ATP8A2: variants seen among roughly 807,000 people sequenced by gnomAD.
ATP8A2 encodes phospholipid-transporting ATPase IB.
Under a neutral mutation model 165.6 loss-of-function variants are expected in ATP8A2, and 100 were observed. The observed-to-expected ratio is 0.60, with a 90% confidence interval of 0.51 to 0.71. The LOEUF is 0.71. ATP8A2 is among the 30% of genes least tolerant of loss of function. The pLI, the probability that ATP8A2 is intolerant of heterozygous loss-of-function variation, is 0.00. For missense variants in ATP8A2, 1,227 were observed against 1,479.5 expected, an observed-to-expected ratio of 0.83 and a Z score of 2.80; for synonymous variants, 543 against 548.8, an observed-to-expected ratio of 0.99 and a Z score of 0.15.
At chr13:25,612,701 T>TC (rs756013128) in intron 24 of ATP8A2, among the ~76,000 whole-genome samples, 55 of 152,178 alleles carry the variant, frequency 3.6e-4, no homozygotes, top group Non-Finnish European at 7.2e-4. Flanking sequence ...TGAATTTCTG[T>TC]CTTGATGATC....
chr13:25,997,760 C>T (rs1429168888), intron 35 of ATP8A2, among the ~76,000 whole-genome samples: 1 of 152,130 alleles, frequency 6.6e-6, no homozygotes, highest in Admixed American at 6.5e-5. Context: ...TTTTTCCGTT[C>T]TGAAATTTCC....
chr13:25,859,653 C>G (rs1952286835), intron 30 of ATP8A2, among the ~76,000 whole-genome samples: 1 of 152,102 alleles, frequency 6.6e-6, no homozygotes, highest in Non-Finnish European at 1.5e-5. Flanking sequence ...CTTGCGTTCC[C>G]CCAGGTGATA....
intron 1 of ATP8A2, among the ~76,000 whole-genome samples, chr13:25,410,858 C>A (rs1186711169): frequency 6.6e-6 from 1 of 152,206 alleles, no homozygotes; most frequent in Non-Finnish European, 1.5e-5. Flanking sequence ...TGATTCTACT[C>A]CCTTCTAGGC....
intron 35 of ATP8A2, among the ~76,000 whole-genome samples, chr13:25,984,731 A>T (rs1337686772): frequency 6.6e-6 from 1 of 152,246 alleles, no homozygotes; most frequent in Non-Finnish European, 1.5e-5. Flanking sequence ...TCTGTAAGCC[A>T]CGAAGAGTCA....
At chr13:25,902,971 A>ACACACACACACACG (rs1286764397) in intron 33 of ATP8A2, among the ~76,000 whole-genome samples, 2 of 151,222 alleles carry the variant, frequency 1.3e-5, no homozygotes, top group African/African-American at 2.4e-5. Flanking sequence ...ACACACACAC[A>ACACACACACACACG]CGTAAATGCA....
At chr13:25,381,821 G>A (rs1593231212) in intron 1 of ATP8A2, among the ~76,000 whole-genome samples, 1 of 152,144 alleles carries the variant, frequency 6.6e-6, no homozygotes, top group African/African-American at 2.4e-5. Flanking sequence ...GAGACCACCC[G>A]CCAGGCTCTT....
At chr13:25,739,382 A>G (rs2043858015) in intron 25 of ATP8A2, among the ~76,000 whole-genome samples, 1 of 152,396 alleles carries the variant, frequency 6.6e-6, no homozygotes, top group South Asian at 2.1e-4. Flanking sequence ...TGCAGAATAG[A>G]AACAGTGTGG....
At chr13:25,849,782 G>A (rs1188159621) in intron 30 of ATP8A2, among the ~76,000 whole-genome samples, 1 of 152,190 alleles carries the variant, frequency 6.6e-6, no homozygotes, top group Admixed American at 6.5e-5. Flanking sequence ...AGACTCACCT[G>A]CTGCCTTGGG....
intron 25 of ATP8A2, among the ~76,000 whole-genome samples, chr13:25,761,456 C>T (rs2044376852): frequency 6.6e-6 from 1 of 152,012 alleles, no homozygotes; most frequent in African/African-American, 2.4e-5. Flanking sequence ...TGATTCTAGG[C>T]TTAAATCATT....
At chr13:25,776,655 T>TGGTAGGA (rs906878859) in intron 27 of ATP8A2, among the ~76,000 whole-genome samples, 1 of 152,132 alleles carries the variant, frequency 6.6e-6, no homozygotes, top group African/African-American at 2.4e-5. Context: ...TCTGTGTCTG[T>TGGTAGGA]GGTAGGAGTC....
intron 24 of ATP8A2, among the ~76,000 whole-genome samples, chr13:25,686,729 T>G (rs1298046429): frequency 6.6e-6 from 1 of 152,202 alleles, no homozygotes; most frequent in Non-Finnish European, 1.5e-5. Context: ...CAGGACCTTT[T>G]GTGCACTGAA....
At chr13:25,645,383 T>C (rs1436906924) in intron 24 of ATP8A2, among the ~76,000 whole-genome samples, 1 of 152,158 alleles carries the variant, frequency 6.6e-6, no homozygotes, top group Non-Finnish European at 1.5e-5. Flanking sequence ...CAATTCAAGA[T>C]GAGATTTGGG....
At chr13:25,374,659 A>G (rs1164418990) in intron 1 of ATP8A2, among the ~76,000 whole-genome samples, 1 of 152,002 alleles carries the variant, frequency 6.6e-6, no homozygotes, top group Non-Finnish European at 1.5e-5. Context: ...GTTGTGAGGG[A>G]TCTTGCTGAT....
intron 33 of ATP8A2, among the ~76,000 whole-genome samples, chr13:25,949,376 C>G (rs913192834): frequency 6.6e-6 from 1 of 152,196 alleles, no homozygotes; most frequent in African/African-American, 2.4e-5. Flanking sequence ...CTAAATACTG[C>G]GCGTTGACAT....
At chr13:25,526,614 T>G (rs2037849705) in intron 2 of ATP8A2, among the ~76,000 whole-genome samples, 1 of 152,196 alleles carries the variant, frequency 6.6e-6, no homozygotes, top group Non-Finnish European at 1.5e-5. Context: ...CCAAAGGGGA[T>G]AGCCTAGCAA....
At chr13:25,887,479 C>G (rs944222084) in intron 33 of ATP8A2, among the ~76,000 whole-genome samples, 1 of 152,110 alleles carries the variant, frequency 6.6e-6, no homozygotes, top group Non-Finnish European at 1.5e-5. Flanking sequence ...GCTGGGATTA[C>G]AGGCGTCGGC....
intron 25 of ATP8A2, among the ~76,000 whole-genome samples, chr13:25,720,084 CT>C (rs2138026960): frequency 6.6e-6 from 1 of 150,924 alleles, no homozygotes; most frequent in Admixed American, 6.6e-5. Flanking sequence ...GCTCCGAATT[CT>C]TGTATAAAGT....
At chr13:25,951,707 C>T (rs992979266) in intron 33 of ATP8A2, among the ~76,000 whole-genome samples, 2 of 152,048 alleles carry the variant, frequency 1.3e-5, no homozygotes, top group Non-Finnish European at 2.9e-5. Context: ...TTTGAGAACC[C>T]CTTACCATGT....
chr13:26,003,376 G>A (rs4770894), intron 35 of ATP8A2, among the ~76,000 whole-genome samples: 40,766 of 150,974 alleles, frequency 0.27, 5,541 homozygotes, highest in Non-Finnish European at 0.3. Context: ...TTTTAATTGA[G>A]CTATGCTTTC....
Sources: allele counts gnomAD v4.1 joint callset (sites outside exome capture counted in the v4.1 genomes callset), GRCh38; gene constraint gnomAD v4.1.1; transcripts MANE v1.5; gene names NCBI Gene and HGNC (gene_info 2026-07-23, HGNC 2026-07-21).